IQCJ: variants seen among roughly 807,000 people sequenced by gnomAD.
IQCJ encodes the protein IQ motif containing J.
IQCJ carries 9 observed loss-of-function variants against 11.0 expected under a neutral mutation model. That is an observed-to-expected ratio of 0.82 (90% CI 0.49 to 1.43). The LOEUF (loss-of-function observed/expected upper bound fraction) is 1.43, where lower values mean the gene tolerates loss of function less well. IQCJ is among the 40% of genes most tolerant of loss of function. The probability of loss-of-function intolerance (pLI) is 0.00; values close to 1 mark genes in which losing one functional copy is unlikely to be tolerated. For synonymous variants in IQCJ, 55 were observed against 51.3 expected, an observed-to-expected ratio of 1.07 and a Z score of -0.31; for missense variants, 146 against 133.2, an observed-to-expected ratio of 1.10 and a Z score of -0.47.
intron 1 of IQCJ, among the ~76,000 whole-genome samples, chr3:159,230,406 C>G (rs578067740): frequency 6.6e-6 from 1 of 152,276 alleles, no homozygotes; most frequent in Non-Finnish European, 1.5e-5. Context: ...GGATATTCCT[C>G]TTAACACTTA....
intron 1 of IQCJ, among the ~76,000 whole-genome samples, chr3:159,204,113 C>A (rs61332355): frequency 0.16 from 24,940 of 152,126 alleles, 2,644 homozygotes; most frequent in South Asian, 0.36. Flanking sequence ...ATTTATGAGG[C>A]AATGAAATAG....
At chr3:159,214,161 C>A (rs1334749397) in intron 1 of IQCJ, among the ~76,000 whole-genome samples, 3 of 152,176 alleles carry the variant, frequency 2.0e-5, no homozygotes, top group African/African-American at 7.2e-5. Context: ...ATGACCCATA[C>A]ACAAAACATT....
intron 3 of IQCJ, among the ~76,000 whole-genome samples, chr3:159,260,430 G>C (rs990081831): frequency 6.6e-6 from 1 of 152,174 alleles, no homozygotes; most frequent in African/African-American, 2.4e-5. Context: ...TTTTTAGACA[G>C]CCTTTAAAAT....
At chr3:159,158,890 G>A (rs1237370949) in intron 1 of IQCJ, among the ~76,000 whole-genome samples, 1 of 152,170 alleles carries the variant, frequency 6.6e-6, no homozygotes, top group African/African-American at 2.4e-5. Flanking sequence ...ATCAGGTATG[G>A]TAAGATAGCA....
intron 1 of IQCJ, among the ~76,000 whole-genome samples, chr3:159,185,562 T>C (rs1723329264): frequency 6.6e-6 from 1 of 152,204 alleles, no homozygotes; most frequent in Non-Finnish European, 1.5e-5. Context: ...ATCTCATAGT[T>C]TCTCGGGGCC....
intron 1 of IQCJ, among the ~76,000 whole-genome samples, chr3:159,238,639 G>T (rs1393523596): frequency 6.6e-6 from 1 of 152,290 alleles, no homozygotes; most frequent in South Asian, 2.1e-4. Flanking sequence ...ACCAGAGGTT[G>T]CTGAGGAAGG....
intron 1 of IQCJ, among the ~76,000 whole-genome samples, chr3:159,237,101 A>T (rs1261378701): frequency 6.6e-6 from 1 of 152,186 alleles, no homozygotes; most frequent in Admixed American, 6.5e-5. Flanking sequence ...ATGCTCTGGG[A>T]TATGTTGGGA....
chr3:159,112,420 T>C (rs1718687155), intron 1 of IQCJ, among the ~76,000 whole-genome samples: 2 of 152,200 alleles, frequency 1.3e-5, no homozygotes, highest in Non-Finnish European at 2.9e-5. Flanking sequence ...ACCTTTCTTG[T>C]TGGAAGTTGT....
At chr3:159,121,042 A>T (rs1208697840) in intron 1 of IQCJ, among the ~76,000 whole-genome samples, 1 of 151,928 alleles carries the variant, frequency 6.6e-6, no homozygotes, top group East Asian at 1.9e-4. Context: ...CTTCTGGTAG[A>T]CCTTCACTCC....
intron 1 of IQCJ, among the ~76,000 whole-genome samples, chr3:159,085,147 T>G (rs1440527169): frequency 5.3e-5 from 8 of 151,346 alleles, no homozygotes; most frequent in Admixed American, 5.3e-4. Context: ...AATTCCCACC[T>G]ATTAGTGAGA....
At chr3:159,249,417 G>A (rs937352846) in intron 2 of IQCJ, among the ~76,000 whole-genome samples, 4 of 151,856 alleles carry the variant, frequency 2.6e-5, no homozygotes, top group African/African-American at 7.3e-5. Context: ...TTTCAATCCC[G>A]ATTGAGGAAT....
rs542841534 is a variant in IQCJ at position 159,090,403 on chromosome 3, C to T, written c.9+20962C>T. On this transcript the variant is annotated intron_variant, in intron 1 of 3. Coordinates refer to ENST00000397832, the MANE Select transcript of IQCJ (RefSeq NM_001042706.3). ...CTGGGAGCTGTAGACCGGAGCTGTT[C>T]CTATTTGGCCATCTTGGCTCCTCCA... Among the ~76,000 whole-genome samples the T allele has an allele frequency of 2.6e-5, 4 of 151,914 alleles. No individual in the cohort carries two copies. The South Asian group carries it at 8.3e-4, about 31-fold the overall frequency.
chr3:159,238,297 C>A (rs1726714642), intron 1 of IQCJ, among the ~76,000 whole-genome samples: 1 of 152,146 alleles, frequency 6.6e-6, no homozygotes, highest in South Asian at 2.1e-4. Flanking sequence ...CTCAAACATT[C>A]CCCAGGGCCA....
chr3:159,082,220 A>T (rs1716362114), intron 1 of IQCJ, among the ~76,000 whole-genome samples: 1 of 152,194 alleles, frequency 6.6e-6, no homozygotes, highest in African/African-American at 2.4e-5. Flanking sequence ...CTATTACATA[A>T]GATACAACAA....
intron 2 of IQCJ, among the ~76,000 whole-genome samples, chr3:159,252,004 T>C (rs1727632136): frequency 6.6e-6 from 1 of 152,238 alleles, no homozygotes; most frequent in African/African-American, 2.4e-5. Flanking sequence ...TTCTCCTATT[T>C]TTTTCATCCA....
downstream of IQCJ, among the ~76,000 whole-genome samples, chr3:159,264,277 GT>G (rs1276180884): frequency 4.6e-5 from 7 of 152,154 alleles, no homozygotes; most frequent in Non-Finnish European, 7.4e-5. Flanking sequence ...GAGAATATAT[GT>G]TTGTTTTATA....
intron 1 of IQCJ, among the ~76,000 whole-genome samples, chr3:159,208,579 C>A (rs1281999189): frequency 1.3e-5 from 2 of 152,204 alleles, no homozygotes; most frequent in Non-Finnish European, 2.9e-5. Flanking sequence ...GAGGTCTACT[C>A]AATTCCTAAC....
intron 1 of IQCJ, among the ~76,000 whole-genome samples, chr3:159,140,051 G>A (rs780934090): frequency 6.6e-6 from 1 of 152,052 alleles, no homozygotes; most frequent in Non-Finnish European, 1.5e-5. Context: ...AGAAAGTAAA[G>A]AGTTCCCATG....
rs769163709 is a variant in IQCJ, at chr3:159,069,448, T to C, written c.9+7T>C. On this transcript the variant is annotated splice_region_variant and intron_variant, in intron 1 of 3. Transcript: ENST00000397832. ...AAACTTCAAAATGCGTCTGGTAATGTATTTGCTTTTCTAAACGTGCCACTT... is the reference window on the plus strand; with the variant it reads ...AAACTTCAAAATGCGTCTGGTAATGCATTTGCTTTTCTAAACGTGCCACTT... 1 of 1,608,682 alleles carries C rather than the reference T, an allele frequency of 6.2e-7. No individual in the cohort carries two copies. Among genetic ancestry groups the C allele is most frequent in the Non-Finnish European group, 8.5e-7 (1 of 1,177,894 alleles).
Sources: gnomAD v4.1 joint callset for allele counts (sites outside exome capture counted in the v4.1 genomes callset) on GRCh38, gnomAD v4.1.1 for gene constraint, MANE v1.5 for transcripts, NCBI Gene and HGNC (gene_info 2026-07-23, HGNC 2026-07-21) for gene names.